The following ADARB2 variants were observed in gnomAD, a reference collection of about 807,000 sequenced individuals.
ADARB2 encodes inactive double-stranded RNA-specific editase B2.
A neutral mutation model predicts 62.2 loss-of-function variants in ADARB2; 25 were observed. The ratio of observed to expected loss-of-function variants is 0.40; its 90% CI spans 0.29 to 0.56. The LOEUF (loss-of-function observed/expected upper bound fraction) is 0.56, where lower values mean the gene tolerates loss of function less well. Among genes scored for constraint, ADARB2 ranks in the 20% least tolerant of loss-of-function variants. The pLI is 0.43. For missense variants in ADARB2, 1,071 were observed against 1,077.4 expected, an observed-to-expected ratio of 0.99 and a Z score of 0.08; for synonymous variants, 572 against 500.8, an observed-to-expected ratio of 1.14 and a Z score of -1.90.
chr10:1,233,988 T>TTTTTG (rs1830836153), intron 5 of ADARB2, 143 bp from the exon 6 acceptor site: 1 of 1,015,434 alleles, frequency 9.8e-7, no homozygotes. Flanking sequence ...CTTTTTTTTT[T>TTTTTG]GAGACGGAGT....
At chr10:1,447,177 G>A (rs1466692206) in intron 1 of ADARB2, among the ~76,000 whole-genome samples, 3 of 152,308 alleles carry the variant, frequency 2.0e-5, no homozygotes, top group South Asian at 2.1e-4. Flanking sequence ...CTACAGCAAC[G>A]CGTGGAATGG....
chr10:1,632,278 C>T (rs917897208), intron 1 of ADARB2, among the ~76,000 whole-genome samples: 1 of 152,196 alleles, frequency 6.6e-6, no homozygotes, highest in African/African-American at 2.4e-5. Context: ...ACTACACACA[C>T]ATATGCACAC....
intron 4 of ADARB2, among the ~76,000 whole-genome samples, chr10:1,257,331 T>G (rs1831088953): frequency 6.6e-6 from 1 of 152,132 alleles, no homozygotes; most frequent in Non-Finnish European, 1.5e-5. Flanking sequence ...TTCTCTGCCC[T>G]CCACTGAGCT....
chr10:1,605,753 C>T (rs11250661), intron 1 of ADARB2, among the ~76,000 whole-genome samples: 25,063 of 152,148 alleles, frequency 0.16, 2,233 homozygotes, highest in South Asian at 0.23. Context: ...CTTTAGATGT[C>T]TCAATAACAG....
intron 3 of ADARB2, among the ~76,000 whole-genome samples, chr10:1,330,366 C>T (rs1162899831): frequency 1.3e-5 from 2 of 152,184 alleles, no homozygotes; most frequent in Non-Finnish European, 2.9e-5. Context: ...TGCATGCTCA[C>T]TCATTTATAG....
intron 1 of ADARB2, among the ~76,000 whole-genome samples, chr10:1,508,141 G>A (rs1831875359): frequency 6.6e-6 from 1 of 152,202 alleles, no homozygotes; most frequent in Admixed American, 6.5e-5. Flanking sequence ...CACGGCCAGC[G>A]AGACCTTGAC....
At chr10:1,646,663 A>T (rs773612565) in intron 1 of ADARB2, among the ~76,000 whole-genome samples, 2 of 152,268 alleles carry the variant, frequency 1.3e-5, no homozygotes, top group Non-Finnish European at 2.9e-5. Context: ...AACTTGCAAC[A>T]GTCCCTTCTA....
intron 1 of ADARB2, among the ~76,000 whole-genome samples, chr10:1,413,531 G>A (rs1007242812): frequency 2.0e-5 from 3 of 152,164 alleles, no homozygotes; most frequent in South Asian, 2.1e-4. Flanking sequence ...AGCCTGTGTC[G>A]TGCACCTGCT....
At chr10:1,516,332 T>C (rs1260237525) in intron 1 of ADARB2, among the ~76,000 whole-genome samples, 3 of 152,270 alleles carry the variant, frequency 2.0e-5, no homozygotes, top group East Asian at 1.9e-4. Context: ...TTAACAACCA[T>C]GGGTGCAACA....
chr10:1,216,971 G>T lies in ADARB2; in HGVS notation c.1662C>A (p.Ser554=). The change falls in exon 7 of 10, where the codon TCC becomes TCA. Residue 554 remains serine (S), a synonymous_variant. Transcript: ENST00000381312. ...VLLGEQLITM[S]CTDKIARWNV... ...CTCACCTGGCGATCTTGTCCGTGCA[G>T]GACATGGTGATCAGCTGCTCCCCCA... The T allele has an allele frequency of 6.2e-7, 1 of 1,608,200 alleles. No homozygotes were observed. The highest frequency in any genetic ancestry group is 8.5e-7 in the Non-Finnish European group (1 of 1,179,672).
intron 1 of ADARB2, among the ~76,000 whole-genome samples, chr10:1,639,119 G>A (rs937288372): frequency 6.6e-6 from 1 of 152,246 alleles, no homozygotes; most frequent in African/African-American, 2.4e-5. Context: ...AGCACTTCAG[G>A]AGAATGGGAG....
At chr10:1,341,803 C>A (rs1309911984) in intron 3 of ADARB2, among the ~76,000 whole-genome samples, 2 of 152,224 alleles carry the variant, frequency 1.3e-5, no homozygotes, top group Admixed American at 6.5e-5. Context: ...AGCCAGAGAA[C>A]CACGTGCCCC....
chr10:1,598,413 A>G (rs1369895356), intron 1 of ADARB2, among the ~76,000 whole-genome samples: 2 of 152,234 alleles, frequency 1.3e-5, no homozygotes, highest in Non-Finnish European at 2.9e-5. Context: ...TATAGCCCCC[A>G]AATCTATAGA....
chr10:1,329,289 C>T (rs1831905858), intron 3 of ADARB2, among the ~76,000 whole-genome samples: 1 of 152,178 alleles, frequency 6.6e-6, no homozygotes, highest in Non-Finnish European at 1.5e-5. Flanking sequence ...CAGTAATGAA[C>T]ATGTGAATAA....
intron 1 of ADARB2, among the ~76,000 whole-genome samples, chr10:1,644,299 G>A (rs1169316318): frequency 6.6e-6 from 1 of 152,210 alleles, no homozygotes; most frequent in African/African-American, 2.4e-5. Context: ...CTCCATCAAT[G>A]TCCCCGAGCT....
intron 1 of ADARB2, among the ~76,000 whole-genome samples, chr10:1,451,485 GAGGGAACACAGCTGCAGAGA>G (rs1460743600): frequency 6.6e-6 from 1 of 152,192 alleles, no homozygotes; most frequent in Admixed American, 6.5e-5. Context: ...TGTGCAGGAA[GAGGGAACACAGCTGCAGAGA>G]AGGGGACACA....
At chr10:1,189,932 C>G (rs1836817213) in intron 8 of ADARB2, among the ~76,000 whole-genome samples, 1 of 147,072 alleles carries the variant, frequency 6.8e-6, no homozygotes, top group East Asian at 2.0e-4. Flanking sequence ...CCTCCTTCCC[C>G]CGAACACGTG....
Position 1,363,437 on chromosome 10 carries a change from A to G in ADARB2, c.668T>C (p.Leu223Pro). 7.1e-7 allele frequency: 1 copy of G among 1,402,362 alleles called. No homozygotes were observed. Among genetic ancestry groups the G allele is most frequent in the African/African-American group, 1.5e-5 (1 of 65,774 alleles). 86.9% of individuals were successfully genotyped at this position (1,402,362 alleles called of 1,614,324 possible). A position where few individuals can be genotyped will look rare whatever the true frequency, so the allele number is the denominator to read the frequency against. ...TSDQADFPDT[L>P]FQEFEPPAPR... ...CGCCGGGGGCTCGAACTCCTGGAAG[A>G]GCGTGTCGGGGAAATCGGCCTGGTC... Residue 223 changes from leucine to proline, a missense_variant, in exon 3 of 10, where the codon CTC (leucine) becomes CCC (proline). Leu to Pro is a moderately conservative substitution (Grantham distance 98). Coordinates refer to ENST00000381312, the MANE Select transcript of ADARB2 (RefSeq NM_018702.4).
chr10:1,617,683 A>T (rs1484571120), intron 1 of ADARB2, among the ~76,000 whole-genome samples: 1 of 149,438 alleles, frequency 6.7e-6, no homozygotes, highest in Non-Finnish European at 1.5e-5. Context: ...CACACTCCAC[A>T]CCGCCCTGCT....
Sources: gnomAD v4.1 joint callset for allele counts (sites outside exome capture counted in the v4.1 genomes callset) on GRCh38, gnomAD v4.1.1 for gene constraint, MANE v1.5 for transcripts, NCBI Gene and HGNC (gene_info 2026-07-23, HGNC 2026-07-21) for gene names.